The following RTL4 variants were observed in gnomAD, a reference collection of about 807,000 sequenced individuals.
RTL4 encodes retrotransposon Gag-like protein 4.
RTL4 carries 4 observed loss-of-function variants against 5.3 expected under a neutral mutation model. That is an observed-to-expected ratio of 0.75 (90% confidence interval 0.37 to 1.72). RTL4 has a LOEUF of 1.72. Among genes scored for constraint, RTL4 ranks in the 40% most tolerant of loss-of-function variants. The pLI is 0.04. For missense variants in RTL4, 260 were observed against 227.1 expected (o/e 1.14, Z -0.93); for synonymous variants, 98 against 87.3 (o/e 1.12, Z -0.68).
At chrX:112,385,175 C>T in the RTL4 span, among the ~76,000 whole-genome samples, 10 of 111,255 alleles carry the variant, frequency 9.0e-5, no homozygotes, top group Non-Finnish European at 1.5e-4. Context: ...TCTCTTAAGG[C>T]TTTCACAGAA....
upstream of RTL4, among the ~76,000 whole-genome samples, chrX:112,449,929 G>A (rs1316527785): frequency 1.8e-5 from 2 of 112,064 alleles, no homozygotes; most frequent in African/African-American, 6.5e-5. Context: ...GGCCCACACT[G>A]AGGTCTCCAG....
the RTL4 span, among the ~76,000 whole-genome samples, chrX:112,212,266 G>A: frequency 1.4e-4 from 16 of 111,138 alleles, no homozygotes; most frequent in Admixed American, 3.8e-4. Flanking sequence ...AGTCCCAGAT[G>A]CTCGGGAGGC....
upstream of RTL4, among the ~76,000 whole-genome samples, chrX:112,454,132 G>A (rs1014249268): frequency 1.8e-5 from 2 of 112,065 alleles, no homozygotes; most frequent in African/African-American, 6.5e-5. Flanking sequence ...GAACAGGGAT[G>A]TCTAATCTTT....
At chrX:112,094,593 G>A in the RTL4 span, among the ~76,000 whole-genome samples, 2 of 111,044 alleles carry the variant, frequency 1.8e-5, no homozygotes, top group Non-Finnish European at 3.8e-5. Context: ...GGACTGAGCT[G>A]TGGAGTTGTT....
the RTL4 span, among the ~76,000 whole-genome samples, chrX:112,229,711 T>C: frequency 3.6e-5 from 4 of 112,272 alleles, no homozygotes; most frequent in Non-Finnish European, 5.6e-5. Context: ...GTTTTTGGTG[T>C]GGATGTCCTT....
the RTL4 span, among the ~76,000 whole-genome samples, chrX:112,107,752 A>G: frequency 6.7e-4 from 74 of 110,749 alleles, no homozygotes; most frequent in African/African-American, 2.4e-3. Flanking sequence ...TTTGTCTTTG[A>G]TTTTTGATGG....
chrX:112,227,782 C>T, the RTL4 span, among the ~76,000 whole-genome samples: 1,089 of 111,275 alleles, frequency 9.8e-3, 19 homozygotes, highest in African/African-American at 0.034. Flanking sequence ...GGACTGCTTG[C>T]GTATCAGAAC....
chrX:112,304,868 C>T, the RTL4 span, among the ~76,000 whole-genome samples: 4 of 108,261 alleles, frequency 3.7e-5, no homozygotes, highest in African/African-American at 1.4e-4. Context: ...ATCTCTCTTT[C>T]CTTATCTTTC....
chrX:112,287,821 C>T, the RTL4 span, among the ~76,000 whole-genome samples: 1 of 111,598 alleles, frequency 9.0e-6, no homozygotes, highest in Non-Finnish European at 1.9e-5. Context: ...GAGAAGGGGC[C>T]AGTAAAAGCT....
chrX:112,292,498 C>T, the RTL4 span, among the ~76,000 whole-genome samples: 1 of 111,645 alleles, frequency 9.0e-6, no homozygotes, highest in Non-Finnish European at 1.9e-5. Context: ...TCCCAGAACA[C>T]CTGATAAGCA....
chrX:112,388,448 G>A, the RTL4 span, among the ~76,000 whole-genome samples: 23 of 112,164 alleles, frequency 2.1e-4, no homozygotes, highest in African/African-American at 6.2e-4. Flanking sequence ...TCAATTCTAC[G>A]TTGAATTGGA....
chrX:112,276,220 G>A, the RTL4 span, among the ~76,000 whole-genome samples: 5 of 111,213 alleles, frequency 4.5e-5, no homozygotes, highest in African/African-American at 9.8e-5. Context: ...AAATTTAATC[G>A]TTTTTGCTTG....
At chrX:112,368,571 G>A in the RTL4 span, among the ~76,000 whole-genome samples, 1 of 111,066 alleles carries the variant, frequency 9.0e-6, no homozygotes, top group South Asian at 3.8e-4. Flanking sequence ...TCTGGGAGGG[G>A]GTTACTGACA....
chrX:112,422,461 C>G, the RTL4 span, among the ~76,000 whole-genome samples: 1 of 107,400 alleles, frequency 9.3e-6, no homozygotes, highest in Non-Finnish European at 1.9e-5. Context: ...ATAGCAAACT[C>G]TAATAATCAC....
At chrX:112,450,503 T>A (rs1286260953), upstream of RTL4, among the ~76,000 whole-genome samples, 1 of 111,613 alleles carries the variant, frequency 9.0e-6, no homozygotes. Flanking sequence ...TGTCCCAGGA[T>A]CCTCTGGGGC....
the RTL4 span, among the ~76,000 whole-genome samples, chrX:112,378,719 A>G: frequency 8.9e-6 from 1 of 112,171 alleles, no homozygotes; most frequent in Admixed American, 9.4e-5. Context: ...ATGGGAACAT[A>G]AATGGAGCAA....
At chrX:112,311,367 G>A in the RTL4 span, among the ~76,000 whole-genome samples, 2 of 110,953 alleles carry the variant, frequency 1.8e-5, no homozygotes, top group African/African-American at 3.3e-5. Flanking sequence ...GATGTTGGCT[G>A]TACTTCTAAA....
chrX:112,329,235 G>A, the RTL4 span, among the ~76,000 whole-genome samples: 3 of 110,656 alleles, frequency 2.7e-5, no homozygotes, highest in Non-Finnish European at 3.8e-5. Flanking sequence ...TTTTTTGAAA[G>A]GATCAACAAA....
chrX:112,176,988 C>T, the RTL4 span, among the ~76,000 whole-genome samples: 2 of 110,311 alleles, frequency 1.8e-5, no homozygotes, highest in African/African-American at 3.3e-5. Flanking sequence ...ATCCATGTTG[C>T]AGCAAGTGAG....
Sources: allele counts gnomAD v4.1 joint callset (sites outside exome capture counted in the v4.1 genomes callset), GRCh38; gene constraint gnomAD v4.1.1; transcripts MANE v1.5; gene names NCBI Gene and HGNC (gene_info 2026-07-23, HGNC 2026-07-21).